The following RNF217 variants were observed in gnomAD, a reference collection of about 807,000 sequenced individuals.
RNF217 encodes ring finger protein 217.
Under a neutral mutation model 57.8 loss-of-function variants are expected in RNF217, and 31 were observed. The ratio of observed to expected loss-of-function variants is 0.54; its 90% CI spans 0.40 to 0.72. The LOEUF is 0.72. Among genes scored for constraint, RNF217 ranks in the 30% least tolerant of loss-of-function variants. The pLI is 0.00. For synonymous variants in RNF217, 313 were observed against 294.0 expected, an observed-to-expected ratio of 1.06 and a Z score of -0.66; for missense variants, 696 against 708.3, an observed-to-expected ratio of 0.98 and a Z score of 0.20.
intron 1 of RNF217, among the ~76,000 whole-genome samples, chr6:125,024,645 G>C (rs182419155): frequency 2.0e-5 from 3 of 151,460 alleles, no homozygotes; most frequent in African/African-American, 7.3e-5. Context: ...TCTTGAGCCC[G>C]GGAGGCAGAG....
chr6:124,992,793 A>G (rs1162728171), intron 1 of RNF217, among the ~76,000 whole-genome samples: 1 of 152,206 alleles, frequency 6.6e-6, no homozygotes, highest in Non-Finnish European at 1.5e-5. Context: ...GATTACTTTA[A>G]TAAATTACTA....
chr6:125,019,365 T>TA (rs1785735626), intron 1 of RNF217, among the ~76,000 whole-genome samples: 1 of 152,182 alleles, frequency 6.6e-6, no homozygotes, highest in Non-Finnish European at 1.5e-5. Context: ...CTATCTTTCT[T>TA]ACCATTTTAC....
chr6:124,977,453 C>T (rs1195136307), intron 1 of RNF217, among the ~76,000 whole-genome samples: 1 of 151,390 alleles, frequency 6.6e-6, no homozygotes, highest in African/African-American at 2.4e-5. Context: ...AATAATGAAG[C>T]CAGTTCTAAA....
At chr6:125,031,776 C>CCT (rs1194922661) in intron 1 of RNF217, among the ~76,000 whole-genome samples, 1 of 152,206 alleles carries the variant, frequency 6.6e-6, no homozygotes, top group Non-Finnish European at 1.5e-5. Context: ...GCTGTTCCAA[C>CCT]CTCTGCCTGT....
intron 3 of RNF217, among the ~76,000 whole-genome samples, chr6:125,070,037 A>G (rs1788079734): frequency 6.6e-6 from 1 of 152,094 alleles, no homozygotes; most frequent in African/African-American, 2.4e-5. Context: ...CCCAAACTTC[A>G]TGAGATCATC....
chr6:125,076,618 C>T, intron 3 of RNF217, 39 bp from the exon 4 acceptor site: 1 of 1,479,440 alleles, frequency 6.8e-7, no homozygotes, highest in Non-Finnish European at 9.4e-7. Context: ...AAAAACTCAG[C>T]TAACTCTTTC....
intron 1 of RNF217, among the ~76,000 whole-genome samples, chr6:124,976,494 T>C (rs1783967481): frequency 1.3e-5 from 2 of 151,990 alleles, no homozygotes; most frequent in South Asian, 4.2e-4. Flanking sequence ...GCTCTCAAAC[T>C]CCTGACCTCA....
rs1477860642 is a variant in RNF217, at chr6:125,092,048, G to A, written c.*9111G>A. 1 of 151,810 alleles carries A rather than the reference G, an allele frequency of 6.6e-6. No individual in the cohort carries two copies. Among genetic ancestry groups the A allele is most frequent in the African/African-American group, 2.4e-5 (1 of 41,300 alleles). The allele number at this position is 151,810 out of a possible 1,614,324, so 9.4% of individuals were successfully genotyped here. ...AAGACAAAGACAGGTTGTATATGCA[G>A]TTATGTGTAAATATTTGACAAAGAA... On this transcript the variant is annotated 3_prime_UTR_variant, in exon 6 of 6. Transcript: ENST00000521654.
intron 4 of RNF217, among the ~76,000 whole-genome samples, chr6:125,080,386 A>C (rs1788528557): frequency 6.6e-6 from 1 of 152,134 alleles, no homozygotes; most frequent in Admixed American, 6.6e-5. Flanking sequence ...TCTTAAGAAT[A>C]AAAAAGTTAG....
At chr6:125,011,855 T>C (rs1049359087) in intron 1 of RNF217, among the ~76,000 whole-genome samples, 4 of 152,124 alleles carry the variant, frequency 2.6e-5, no homozygotes, top group South Asian at 2.1e-4. Flanking sequence ...GAAACTCTTC[T>C]CGGTGAGATA....
chr6:124,984,252 A>G (rs979816793), intron 1 of RNF217, among the ~76,000 whole-genome samples: 1 of 152,182 alleles, frequency 6.6e-6, no homozygotes, highest in African/African-American at 2.4e-5. Context: ...TGCTATAGTC[A>G]ATAAAATAGA....
chr6:125,015,557 A>G (rs2114381492), intron 1 of RNF217, among the ~76,000 whole-genome samples: 1 of 152,194 alleles, frequency 6.6e-6, no homozygotes, highest in Admixed American at 6.5e-5. Context: ...ATGATCTAAT[A>G]AACATAAATG....
rs776041678 is a variant in RNF217 at position 124,963,361 on chromosome 6, A to G, written c.817A>G (p.Lys273Glu). The change falls in exon 1 of 6, where the codon AAG (lysine) becomes GAG (glutamate). Residue 273 changes from lysine to glutamate, a missense_variant. Transcript: ENST00000521654. Reference sequence around the variant, plus strand: ...GGTGTGCCTGGAAGACAAGCCCATCAAGCCCCTGCCTTGCTGCAAGAAGGC... The same window carrying G: ...GGTGTGCCTGGAAGACAAGCCCATCGAGCCCCTGCCTTGCTGCAAGAAGGC... ...CRVCLEDKPIKPLPCCKKAVC... is the reference protein window; with the variant it reads ...CRVCLEDKPIEPLPCCKKAVC... 10 of 1,528,568 alleles carry G rather than the reference A, an allele frequency of 6.5e-6. No individual in the cohort carries two copies. The South Asian group carries it at 1.1e-4, about 17-fold the overall frequency. 94.7% of individuals were successfully genotyped at this position (1,528,568 alleles called of 1,614,324 possible).
chr6:125,045,815 C>G (rs1787075325), intron 2 of RNF217, among the ~76,000 whole-genome samples: 1 of 151,126 alleles, frequency 6.6e-6, no homozygotes, highest in African/African-American at 2.4e-5. Flanking sequence ...TCCTCTTGTT[C>G]TGTCTATAAT....
chr6:125,013,255 G>T lies in RNF217; in HGVS notation c.883-31956G>T, dbSNP rs567599589. On this transcript the variant is annotated intron_variant, in intron 1 of 5. Transcript: ENST00000521654. ...AACAAATATACATAACAGGACAGGG[G>T]TGATAATGGTTAATATTACCAGAAA... Among the ~76,000 whole-genome samples, 82 of 152,086 alleles carry T rather than the reference G, an allele frequency of 5.4e-4. No individual in the cohort carries two copies. In the South Asian group the frequency reaches 0.017, roughly 31 times the overall value.
intron 1 of RNF217, among the ~76,000 whole-genome samples, chr6:124,973,905 G>T (rs568747393): frequency 6.6e-6 from 1 of 152,214 alleles, no homozygotes; most frequent in Non-Finnish European, 1.5e-5. Flanking sequence ...CACTTTCGGG[G>T]TTTCTCATTT....
At chr6:125,075,525 G>A (rs972646331) in intron 3 of RNF217, among the ~76,000 whole-genome samples, 1 of 152,028 alleles carries the variant, frequency 6.6e-6, no homozygotes, top group South Asian at 2.1e-4. Context: ...AAAACTATCA[G>A]AACTTCTGAG....
Position 124,962,493 on chromosome 6 carries a change from G to C in RNF217, c.-52G>C. 2 of 967,566 alleles carry C rather than the reference G, an allele frequency of 2.1e-6. No homozygotes were observed. The highest frequency in any genetic ancestry group is 2.6e-6 in the Non-Finnish European group (2 of 775,468). 59.9% of individuals were successfully genotyped at this position (967,566 alleles called of 1,614,324 possible). A position where few individuals can be genotyped will look rare whatever the true frequency, so the allele number is the denominator to read the frequency against. On this transcript the variant is annotated 5_prime_UTR_variant, in exon 1 of 6. Coordinates refer to ENST00000521654, the MANE Select transcript of RNF217 (RefSeq NM_001286398.3). The surrounding 1 kb of genome is among the most constrained non-coding windows in gnomAD (Gnocchi z 4.6). ...TGCCCCCGCTGCCCGCGGGCGCCGG[G>C]TGGGGGTCCCGGCGGCTGGATGGGC... is the stretch of plus-strand genomic sequence containing the variant.
chr6:125,088,437 C>T lies in RNF217; in HGVS notation c.*5500C>T, dbSNP rs1427868537. On this transcript the variant is annotated 3_prime_UTR_variant, in exon 6 of 6. Transcript: ENST00000521654. ...ACTTCTATTGTTACTAATTGTAAGG[C>T]TGTAACTTTGGTTGACTTCATCCAA... The T allele has an allele frequency of 6.6e-6, 1 of 152,128 alleles. No homozygotes were observed. Among genetic ancestry groups the T allele is most frequent in the African/African-American group, 2.4e-5 (1 of 41,444 alleles). 9.4% of individuals were successfully genotyped at this position (152,128 alleles called of 1,614,324 possible). A position where few individuals can be genotyped will look rare whatever the true frequency, so the allele number is the denominator to read the frequency against.
Sources: allele counts gnomAD v4.1 joint callset (sites outside exome capture counted in the v4.1 genomes callset), GRCh38; gene constraint gnomAD v4.1.1; non-coding constraint Gnocchi (gnomAD v3.1); transcripts MANE v1.5; gene names NCBI Gene and HGNC (gene_info 2026-07-23, HGNC 2026-07-21).